Variants in SLC24A2 observed in about 807,000 individuals in gnomAD.
SLC24A2 encodes the protein solute carrier family 24 member 2.
In SLC24A2, 36 loss-of-function variants were observed where a neutral mutation model predicts 62.0. That is an observed-to-expected ratio of 0.58 (90% CI 0.44 to 0.77). The LOEUF is 0.77. SLC24A2 is among the 30% of genes least tolerant of loss of function. The pLI is 0.00. For synonymous variants in SLC24A2, 358 were observed against 294.0 expected (o/e 1.22, Z -2.23); for missense variants, 846 against 817.9 (o/e 1.03, Z -0.42).
At chr9:19,553,932 C>G (rs1391381197) in intron 7 of SLC24A2, among the ~76,000 whole-genome samples, 4 of 152,106 alleles carry the variant, frequency 2.6e-5, no homozygotes, top group Non-Finnish European at 4.4e-5. Flanking sequence ...GAATTGTGTT[C>G]CCTCCAATCA....
the SLC24A2 span, among the ~76,000 whole-genome samples, chr9:19,945,396 G>A: frequency 7.2e-5 from 11 of 152,080 alleles, no homozygotes; most frequent in African/African-American, 1.4e-4. Context: ...GACTCCTTTC[G>A]TGTAAAAACA....
At chr9:19,834,847 C>T in the SLC24A2 span, among the ~76,000 whole-genome samples, 6 of 152,116 alleles carry the variant, frequency 3.9e-5, no homozygotes, top group South Asian at 2.1e-4. Flanking sequence ...TACCCACAAA[C>T]GGAAGCCCAT....
At chr9:20,169,098 A>T in the SLC24A2 span, among the ~76,000 whole-genome samples, 2 of 152,026 alleles carry the variant, frequency 1.3e-5, no homozygotes. Context: ...TAAGCCAGAC[A>T]CAGAAGGACC....
chr9:20,275,313 A>G, the SLC24A2 span, among the ~76,000 whole-genome samples: 1 of 152,234 alleles, frequency 6.6e-6, no homozygotes, highest in Non-Finnish European at 1.5e-5. Context: ...CACTAATGCC[A>G]GAGCACTTGC....
intron 2 of SLC24A2, among the ~76,000 whole-genome samples, chr9:19,688,972 G>C (rs1293538342): frequency 6.6e-6 from 1 of 152,106 alleles, no homozygotes; most frequent in African/African-American, 2.4e-5. Context: ...CTATGAAACA[G>C]ATTAATATAC....
At chr9:19,628,796 C>T (rs956423560) in intron 2 of SLC24A2, among the ~76,000 whole-genome samples, 8 of 152,156 alleles carry the variant, frequency 5.3e-5, no homozygotes, top group Non-Finnish European at 1.0e-4. Context: ...ACATAAAATA[C>T]GCTAACACTA....
At chr9:19,998,732 A>T in the SLC24A2 span, among the ~76,000 whole-genome samples, 1 of 152,310 alleles carries the variant, frequency 6.6e-6, no homozygotes, top group African/African-American at 2.4e-5. Flanking sequence ...TGTGCTCTGG[A>T]CAGAATGGTC....
intron 2 of SLC24A2, among the ~76,000 whole-genome samples, chr9:19,668,170 A>G (rs1374324830): frequency 1.3e-5 from 2 of 152,134 alleles, no homozygotes; most frequent in Admixed American, 6.6e-5. Context: ...GTTCATTGCC[A>G]ACAGTCTGTT....
chr9:19,546,794 T>G, intron 8 of SLC24A2, among the ~76,000 whole-genome samples: 1 of 152,086 alleles, frequency 6.6e-6, no homozygotes, highest in South Asian at 2.1e-4. Flanking sequence ...AAATGGCTAC[T>G]CAGTTTTGTG....
At chr9:20,162,293 A>C in the SLC24A2 span, among the ~76,000 whole-genome samples, 1 of 151,792 alleles carries the variant, frequency 6.6e-6, no homozygotes, top group Non-Finnish European at 1.5e-5. Context: ...GATATAATTC[A>C]AAAGAGAAAA....
At chr9:19,744,190 T>C (rs1015126073) in intron 2 of SLC24A2, among the ~76,000 whole-genome samples, 2 of 152,152 alleles carry the variant, frequency 1.3e-5, no homozygotes, top group Admixed American at 6.6e-5. Context: ...GTCTTGTCCA[T>C]ATTACTGAGA....
chr9:20,117,280 C>A, the SLC24A2 span, among the ~76,000 whole-genome samples: 1 of 152,014 alleles, frequency 6.6e-6, no homozygotes, highest in Admixed American at 6.6e-5. Context: ...CTTTCCTGTC[C>A]CAGAAGTTGC....
intron 7 of SLC24A2, among the ~76,000 whole-genome samples, chr9:19,555,099 C>T (rs373100907): frequency 1.3e-5 from 2 of 152,178 alleles, no homozygotes; most frequent in South Asian, 2.1e-4. Flanking sequence ...GGAAATTCTG[C>T]CCAAGTCATG....
chr9:19,658,027 C>G (rs1196174674), intron 2 of SLC24A2, among the ~76,000 whole-genome samples: 1 of 152,130 alleles, frequency 6.6e-6, no homozygotes, highest in Non-Finnish European at 1.5e-5. Flanking sequence ...TGTGAGTTCC[C>G]AAGGCCACAA....
intron 2 of SLC24A2, among the ~76,000 whole-genome samples, chr9:19,687,042 A>G (rs943555589): frequency 1.3e-5 from 2 of 152,108 alleles, no homozygotes; most frequent in Non-Finnish European, 2.9e-5. Context: ...AAAACCAAAT[A>G]CCACATGTTC....
intron 2 of SLC24A2, among the ~76,000 whole-genome samples, chr9:19,694,096 T>C (rs865827158): frequency 4.0e-5 from 6 of 148,724 alleles, no homozygotes; most frequent in South Asian, 2.1e-4. Flanking sequence ...TAGGATTCTC[T>C]AAAAAAAAAA....
chr9:19,999,979 G>T, the SLC24A2 span, among the ~76,000 whole-genome samples: 2 of 152,162 alleles, frequency 1.3e-5, no homozygotes, highest in African/African-American at 2.4e-5. Context: ...AGTGTGGAGA[G>T]GTTCAGAGAC....
At chr9:20,098,457 T>C in the SLC24A2 span, among the ~76,000 whole-genome samples, 1 of 152,190 alleles carries the variant, frequency 6.6e-6, no homozygotes, top group Non-Finnish European at 1.5e-5. Flanking sequence ...ATACTTCTTA[T>C]CTTTCCATTT....
At chr9:19,558,881 T>C (rs1219325865) in intron 7 of SLC24A2, among the ~76,000 whole-genome samples, 1 of 152,194 alleles carries the variant, frequency 6.6e-6, no homozygotes, top group Non-Finnish European at 1.5e-5. Flanking sequence ...TGTGCCTATA[T>C]AGTGAGTGTG....
Sources: allele counts gnomAD v4.1 joint callset (sites outside exome capture counted in the v4.1 genomes callset), GRCh38; gene constraint gnomAD v4.1.1; transcripts MANE v1.5; gene names NCBI Gene and HGNC (gene_info 2026-07-23, HGNC 2026-07-21).